Variants in NAALADL2 observed in about 807,000 individuals in gnomAD.
NAALADL2 encodes the protein N-acetylated alpha-linked acidic dipeptidase like 2, also known as inactive N-acetylated-alpha-linked acidic dipeptidase-like protein 2.
In NAALADL2, 76 loss-of-function variants were observed where a neutral mutation model predicts 87.2. That is an observed-to-expected ratio of 0.87 (90% confidence interval 0.72 to 1.05). The LOEUF is 1.05. Ranked by LOEUF, NAALADL2 falls within the 50% of genes least tolerant of loss-of-function variation. NAALADL2 has a pLI of 0.00. For synonymous variants in NAALADL2, 354 were observed against 331.0 expected (o/e 1.07, Z -0.75); for missense variants, 1,089 against 945.8 (o/e 1.15, Z -1.99).
chr3:174,823,864 C>T (rs1036578805), intron 3 of NAALADL2, among the ~76,000 whole-genome samples: 1 of 152,132 alleles, frequency 6.6e-6, no homozygotes, highest in Non-Finnish European at 1.5e-5. Flanking sequence ...GCATGCACCA[C>T]CATGCCCAGC....
intron 5 of NAALADL2, among the ~76,000 whole-genome samples, chr3:175,366,695 T>G (rs1446522872): frequency 6.6e-6 from 1 of 151,140 alleles, no homozygotes; most frequent in Non-Finnish European, 1.5e-5. Context: ...CGCCCACTTT[T>G]TGATGGGGTT....
At chr3:175,259,810 G>A (rs1459315758) in intron 4 of NAALADL2, among the ~76,000 whole-genome samples, 2 of 152,078 alleles carry the variant, frequency 1.3e-5, no homozygotes, top group Non-Finnish European at 2.9e-5. Context: ...TTTGGATCAC[G>A]TAAGCCCAGG....
intron 9 of NAALADL2, among the ~76,000 whole-genome samples, chr3:175,512,201 A>G (rs1231139986): frequency 1.3e-5 from 2 of 152,152 alleles, no homozygotes; most frequent in African/African-American, 4.8e-5. Flanking sequence ...TCCCACTACT[A>G]TACTCCAGCT....
intron 1 of NAALADL2, among the ~76,000 whole-genome samples, chr3:175,046,012 GTT>G (rs68181849): frequency 9.4e-5 from 14 of 148,612 alleles, no homozygotes; most frequent in Admixed American, 2.0e-4. Flanking sequence ...TAGACTTTAT[GTT>G]TTTTTTTTTA....
intron 2 of NAALADL2, among the ~76,000 whole-genome samples, chr3:174,623,276 G>T (rs1057395899): frequency 6.6e-6 from 1 of 152,090 alleles, no homozygotes; most frequent in Non-Finnish European, 1.5e-5. Flanking sequence ...ACAGGAAGGG[G>T]CTACAAAATT....
At chr3:175,206,201 G>C (rs1271088664) in intron 2 of NAALADL2, among the ~76,000 whole-genome samples, 1 of 146,916 alleles carries the variant, frequency 6.8e-6, no homozygotes, top group Non-Finnish European at 1.5e-5. Context: ...CAACCCAAAT[G>C]CTCATCAATC....
rs1754563666 is a variant in NAALADL2, at chr3:175,804,839, T to A, written c.*1636T>A. The stretch of plus-strand genomic sequence containing the variant: ...AAGGCAAAGCAGGGAATAGAGGCAA[T>A]TAGCTAGATAATTCAAGCAGAAATC... On this transcript the variant is annotated 3_prime_UTR_variant, in exon 14 of 14. Transcript: ENST00000454872. 1 of 151,894 alleles carries A rather than the reference T, an allele frequency of 6.6e-6. No individual in the cohort carries two copies. The highest frequency in any genetic ancestry group is 2.4e-5 in the African/African-American group (1 of 41,422). The allele number at this position is 151,894 out of a possible 1,614,324, so 9.4% of individuals were successfully genotyped here.
chr3:175,096,017 C>G (rs1480661719), intron 1 of NAALADL2, among the ~76,000 whole-genome samples: 2 of 152,084 alleles, frequency 1.3e-5, no homozygotes, highest in African/African-American at 4.8e-5. Context: ...ACTCCTGTAG[C>G]AAGGTTATGA....
At chr3:175,001,135 A>G (rs977425621) in intron 1 of NAALADL2, among the ~76,000 whole-genome samples, 2 of 152,220 alleles carry the variant, frequency 1.3e-5, no homozygotes, top group Non-Finnish European at 2.9e-5. Flanking sequence ...TTTGGCCACT[A>G]TGTCAGTAGC....
chr3:174,572,046 G>A (rs911652450), intron 2 of NAALADL2, among the ~76,000 whole-genome samples: 2 of 152,088 alleles, frequency 1.3e-5, no homozygotes, highest in Non-Finnish European at 2.9e-5. Context: ...AACCGGACAA[G>A]GAAAATATTA....
chr3:174,967,391 A>G (rs1743034868), intron 1 of NAALADL2, among the ~76,000 whole-genome samples: 1 of 152,030 alleles, frequency 6.6e-6, no homozygotes, highest in South Asian at 2.1e-4. Context: ...AAAAAAAGAA[A>G]AAAGGAATTT....
chr3:175,604,428 C>T (rs1031823684), intron 10 of NAALADL2, among the ~76,000 whole-genome samples: 7 of 151,480 alleles, frequency 4.6e-5, no homozygotes, highest in Admixed American at 1.3e-4. Context: ...CTCAGCCTCC[C>T]GAGTAGCTGG....
chr3:175,008,180 C>T (rs906236263), intron 1 of NAALADL2, among the ~76,000 whole-genome samples: 1 of 152,020 alleles, frequency 6.6e-6, no homozygotes, highest in Non-Finnish European at 1.5e-5. Context: ...GAGTTTGAGA[C>T]CAGCCTAGCC....
chr3:174,455,881 G>T (rs546527057), intron 1 of NAALADL2, among the ~76,000 whole-genome samples: 2 of 152,080 alleles, frequency 1.3e-5, no homozygotes, highest in Non-Finnish European at 2.9e-5. Context: ...GAGCAGTCAG[G>T]CAAGAGAAAG....
At chr3:174,623,422 C>T (rs959693575) in intron 2 of NAALADL2, among the ~76,000 whole-genome samples, 6 of 151,936 alleles carry the variant, frequency 3.9e-5, no homozygotes, top group African/African-American at 9.7e-5. Context: ...GAAATTTCAA[C>T]TTTTTATAAT....
At chr3:175,375,220 G>A (rs1289246777) in intron 5 of NAALADL2, among the ~76,000 whole-genome samples, 1 of 152,042 alleles carries the variant, frequency 6.6e-6, no homozygotes, top group Non-Finnish European at 1.5e-5. Context: ...AAAAGTGCTA[G>A]TATTCTTAAT....
chr3:175,644,674 G>A (rs779772342), intron 11 of NAALADL2, among the ~76,000 whole-genome samples: 3 of 118,624 alleles, frequency 2.5e-5, no homozygotes, highest in Non-Finnish European at 4.9e-5. Context: ...CTGATAGTTT[G>A]TGGTTCCTTA....
intron 1 of NAALADL2, among the ~76,000 whole-genome samples, chr3:174,441,998 A>T (rs895006877): frequency 6.6e-5 from 10 of 151,982 alleles, no homozygotes; most frequent in Admixed American, 6.6e-5. Context: ...CGAGAACCTT[A>T]AGATAATGGT....
chr3:174,942,765 T>C (rs1738816015), intron 1 of NAALADL2, among the ~76,000 whole-genome samples: 2 of 152,188 alleles, frequency 1.3e-5, no homozygotes, highest in African/African-American at 4.8e-5. Context: ...AATTTTGGTC[T>C]GTCTTATTTC....
Sources: gnomAD v4.1 joint callset for allele counts (sites outside exome capture counted in the v4.1 genomes callset) on GRCh38, gnomAD v4.1.1 for gene constraint, MANE v1.5 for transcripts, NCBI Gene and HGNC (gene_info 2026-07-23, HGNC 2026-07-21) for gene names.